STON1: variants seen among roughly 807,000 people sequenced by gnomAD.
STON1 encodes the protein stonin-1.
STON1 carries 79 observed loss-of-function variants against 60.9 expected under a neutral mutation model. The observed-to-expected ratio is 1.30, with a 90% CI of 1.08 to 1.56. STON1 has a LOEUF of 1.56. STON1 is among the 40% of genes most tolerant of loss of function. The probability of loss-of-function intolerance (pLI) is 0.00; values close to 1 mark genes in which losing one functional copy is unlikely to be tolerated. For missense variants in STON1, 1,166 were observed against 858.9 expected, an observed-to-expected ratio of 1.36 and a Z score of -4.47; for synonymous variants, 363 against 306.9, an observed-to-expected ratio of 1.18 and a Z score of -1.91.
Position 48,580,676 on chromosome 2 carries a change from G to C in STON1, c.43G>C (p.Asp15His). The change falls in exon 2 of 4, where the codon GAT (aspartate) becomes CAT (histidine). Residue 15 changes from aspartate to histidine, a missense_variant. Asp to His is a moderately conservative substitution (Grantham distance 81, BLOSUM62 -1). Coordinates refer to ENST00000404752, the MANE Select transcript of STON1 (RefSeq NM_006873.4). ...AGGCAAATGGGTCACCTTTGATGAT[G>C]ATCCTGCTGTTCAATCTTCTCAAAA... is the stretch of plus-strand genomic sequence containing the variant. ...NPGKWVTFDD[D>H]PAVQSSQKSK... 8 of 1,418,108 alleles carry C rather than the reference G, an allele frequency of 5.6e-6. No individual in the cohort carries two copies. The highest frequency in any genetic ancestry group is 7.4e-6 in the Non-Finnish European group (8 of 1,082,338). 87.8% of individuals were successfully genotyped at this position (1,418,108 alleles called of 1,614,324 possible).
intron 1 of STON1, among the ~76,000 whole-genome samples, chr2:48,538,979 A>G (rs994494498): frequency 6.6e-6 from 1 of 151,454 alleles, no homozygotes; most frequent in Admixed American, 6.6e-5. Context: ...GTGCAGCGGC[A>G]CCATCATAGC....
At chr2:48,533,691 AGATGT>A in intron 1 of STON1, among the ~76,000 whole-genome samples, 1 of 151,190 alleles carries the variant, frequency 6.6e-6, no homozygotes, top group Admixed American at 6.6e-5. Flanking sequence ...AAGAGATAAA[AGATGT>A]AAAATAACCC....
rs376805660 is a variant in STON1, at chr2:48,581,107, A to G, written c.474A>G (p.Gln158=). 8 of 1,600,940 alleles carry G rather than the reference A, an allele frequency of 5.0e-6. No individual in the cohort carries two copies. Among genetic ancestry groups the G allele is most frequent in the Non-Finnish European group, 6.8e-6 (8 of 1,175,224 alleles). Reference sequence around the variant, plus strand: ...GTCTTCCAGATGAAGTTAATCCTCAACAGGCTGAAAGCCTAGGATTCCAAA... The same window carrying G: ...GTCTTCCAGATGAAGTTAATCCTCAGCAGGCTGAAAGCCTAGGATTCCAAA... The part of the protein sequence containing the change: ...KVGLPDEVNP[Q]QAESLGFQSD... The change falls in exon 2 of 4, where the codon CAA becomes CAG. Residue 158 remains glutamine, a synonymous_variant. Transcript: ENST00000404752.
intron 1 of STON1, chr2:48,569,114 T>C (rs1673075124): frequency 6.6e-6 from 1 of 152,236 alleles, no homozygotes; most frequent in Admixed American, 6.5e-5. Flanking sequence ...TCCGAACTTA[T>C]TTTCCTTTTC....
intron 1 of STON1, among the ~76,000 whole-genome samples, chr2:48,544,629 T>A (rs953315054): frequency 2.6e-5 from 4 of 152,026 alleles, no homozygotes; most frequent in African/African-American, 4.8e-5. Context: ...CACTGCAACC[T>A]CTGCCTCCCA....
chr2:48,581,845 A>C lies in STON1; in HGVS notation c.1212A>C (p.Ser404=). 6.2e-7 allele frequency: 1 copy of C among 1,614,196 alleles called. No homozygotes were observed. The part of the protein sequence containing the change: ...EEELMKLPAV[S]KPKKNYEEQE... ...AGCTGATGAAGTTGCCAGCTGTTTC[A>C]AAACCAAAAAAGAACTACGAGGAGC... The change falls in exon 2 of 4, where the codon TCA becomes TCC. Residue 404 remains serine (S), a synonymous_variant. Coordinates refer to ENST00000404752, the MANE Select transcript of STON1 (RefSeq NM_006873.4).
At chr2:48,538,101 G>A (rs1427239203) in intron 1 of STON1, among the ~76,000 whole-genome samples, 3 of 151,638 alleles carry the variant, frequency 2.0e-5, no homozygotes, top group Non-Finnish European at 4.4e-5. Context: ...TTACAGGCAC[G>A]CGCCACCACG....
chr2:48,540,397 G>A lies in STON1; in HGVS notation c.-48+10181G>A, dbSNP rs952217119. ...GGCAGGACTCTAATGTTCCGCCTGTGAGAGTGTTGATGCACCCAATGCCCT... is the reference window on the plus strand; with the variant it reads ...GGCAGGACTCTAATGTTCCGCCTGTAAGAGTGTTGATGCACCCAATGCCCT... On this transcript the variant is annotated intron_variant, in intron 1 of 3. Transcript: ENST00000404752. Among the ~76,000 whole-genome samples, 4 of 152,136 alleles carry A rather than the reference G, an allele frequency of 2.6e-5. No individual in the cohort carries two copies. In the South Asian group the frequency reaches 8.3e-4, roughly 32 times the overall value.
At chr2:48,590,636 A>ACACACACACACACACAC (rs141099895) in intron 2 of STON1, among the ~76,000 whole-genome samples, 1 of 142,034 alleles carries the variant, frequency 7.0e-6, no homozygotes. Flanking sequence ...ATTTCCTTAT[A>ACACACACACACACACAC]ACACACACAC....
At chr2:48,549,149 C>T (rs1007225160) in intron 1 of STON1, among the ~76,000 whole-genome samples, 1 of 152,268 alleles carries the variant, frequency 6.6e-6, no homozygotes, top group South Asian at 2.1e-4. Context: ...AGAATTTATC[C>T]GGGAAACAAT....
At chr2:48,587,733 A>G (rs939911001) in intron 2 of STON1, among the ~76,000 whole-genome samples, 8 of 152,306 alleles carry the variant, frequency 5.3e-5, no homozygotes, top group Admixed American at 5.2e-4. Flanking sequence ...AGAGGACAAC[A>G]TTTTACAGGC....
At chr2:48,562,768 C>T (rs1672664030) in intron 1 of STON1, among the ~76,000 whole-genome samples, 2 of 152,176 alleles carry the variant, frequency 1.3e-5, no homozygotes, top group African/African-American at 4.8e-5. Context: ...GCCCATCTTG[C>T]CACCTACAGG....
Position 48,557,488 on chromosome 2 carries a change from C to T in STON1, c.-47-23099C>T, listed in dbSNP as rs868465713. On this transcript the variant is annotated intron_variant, in intron 1 of 3. Transcript: ENST00000404752. Reference sequence around the variant, plus strand: ...GCAGAGGGGCTCCTCACATCCCAGACGATGGGCGGCCAGGCAGAGACACTC... The same window carrying T: ...GCAGAGGGGCTCCTCACATCCCAGATGATGGGCGGCCAGGCAGAGACACTC... Among the ~76,000 whole-genome samples, 50 of 103,488 alleles carry T rather than the reference C, an allele frequency of 4.8e-4. 8 individuals are homozygous for T. The highest frequency in any genetic ancestry group is 9.6e-4 in the Non-Finnish European group (46 of 47,696). The allele number at this position is 103,488 out of a possible 152,430, so 67.9% of individuals were successfully genotyped here.
rs148548885 is a variant in STON1, at chr2:48,547,978, A to G, written c.-48+17762A>G. 1.8e-3 allele frequency among the ~76,000 whole-genome samples: 270 copies of G among 152,346 alleles called. 1 individual carries two copies. The highest frequency in any genetic ancestry group is 6.1e-3 in the African/African-American group (254 of 41,582). ...TTTTTCTGCTTCTCATGTCCTTACC[A>G]AATCAAGTCTAGGTAAACACTTTCA... On this transcript the variant is annotated intron_variant, in intron 1 of 3. Transcript: ENST00000404752.
chr2:48,590,023 A>G (rs532739740), intron 2 of STON1, among the ~76,000 whole-genome samples: 2 of 152,338 alleles, frequency 1.3e-5, no homozygotes, highest in Admixed American at 6.5e-5. Flanking sequence ...GAGATAAGCA[A>G]TTTGTAACCC....
chr2:48,563,137 G>T (rs974265483), intron 1 of STON1, among the ~76,000 whole-genome samples: 9 of 152,216 alleles, frequency 5.9e-5, no homozygotes, highest in African/African-American at 1.9e-4. Context: ...TGCACACTGG[G>T]CATCCTGCAG....
chr2:48,590,323 A>T (rs1674439850), intron 2 of STON1, among the ~76,000 whole-genome samples: 3 of 152,194 alleles, frequency 2.0e-5, no homozygotes, highest in African/African-American at 7.2e-5. Context: ...CAGCCTTAGA[A>T]TTCTATTAGT....
intron 2 of STON1, among the ~76,000 whole-genome samples, chr2:48,590,312 A>G (rs1331598402): frequency 6.6e-6 from 1 of 152,182 alleles, no homozygotes; most frequent in Non-Finnish European, 1.5e-5. Flanking sequence ...AAGGCTTTTT[A>G]CAGCCTTAGA....
At chr2:48,559,942 A>T (rs1366313200) in intron 1 of STON1, among the ~76,000 whole-genome samples, 2 of 152,154 alleles carry the variant, frequency 1.3e-5, no homozygotes, top group Non-Finnish European at 2.9e-5. Context: ...TTCACTTCTC[A>T]TATAGGCCAT....
Sources: gnomAD v4.1 joint callset for allele counts (sites outside exome capture counted in the v4.1 genomes callset) on GRCh38, gnomAD v4.1.1 for gene constraint, MANE v1.5 for transcripts, NCBI Gene and HGNC (gene_info 2026-07-23, HGNC 2026-07-21) for gene names.